The following GPC6 variants were observed in gnomAD, a reference collection of about 807,000 sequenced individuals.
GPC6 encodes the protein glypican-6.
GPC6 carries 14 observed loss-of-function variants against 55.2 expected under a neutral mutation model. The observed-to-expected ratio is 0.25, with a 90% confidence interval of 0.17 to 0.40. The LOEUF is 0.40. Among genes scored for constraint, GPC6 ranks in the 10% least tolerant of loss-of-function variants. The pLI is 1.00. For synonymous variants in GPC6, 278 were observed against 259.6 expected, an observed-to-expected ratio of 1.07 and a Z score of -0.68; for missense variants, 641 against 708.5, an observed-to-expected ratio of 0.90 and a Z score of 1.08.
At position 94,045,863 on chromosome 13, in the gene GPC6, ATTAG is replaced by A. The variant is rs370024873; in HGVS notation, c.877+17973_877+17976del. ...CGTTTCAGAAGAGAATGTCCATAAT[ATTAG>A]TTAATGATATTCTTAACAATAAATT... On this transcript the variant is annotated intron_variant, in intron 4 of 8. Transcript: ENST00000377047. 4.1e-3 allele frequency among the ~76,000 whole-genome samples: 625 copies of A among 152,132 alleles called. 2 individuals are homozygous for A. Among genetic ancestry groups the A allele is most frequent in the African/African-American group, 0.014 (588 of 41,538 alleles).
Position 93,297,610 on chromosome 13 carries a change from C to A in GPC6, c.160+69994C>A, listed in dbSNP as rs568020310. On this transcript the variant is annotated intron_variant, in intron 1 of 8. Coordinates refer to ENST00000377047, the MANE Select transcript of GPC6 (RefSeq NM_005708.5). ...TGCACCACTGGGCAACAGAGCAAGA[C>A]CCTGTCTTTAACAGAACAAAAAGTA... Among the ~76,000 whole-genome samples, 11 of 152,130 alleles carry A rather than the reference C, an allele frequency of 7.2e-5. No individual in the cohort carries two copies. The South Asian group carries it at 1.9e-3, about 26-fold the overall frequency.
intron 4 of GPC6, among the ~76,000 whole-genome samples, chr13:94,149,667 T>G (rs1377158943): frequency 1.2e-4 from 19 of 152,074 alleles, no homozygotes; most frequent in Admixed American, 1.2e-3. Flanking sequence ...GAGCCTCGAT[T>G]TTTACTCAGA....
intron 2 of GPC6, among the ~76,000 whole-genome samples, chr13:93,746,335 G>A (rs1884398885): frequency 6.6e-6 from 1 of 152,132 alleles, no homozygotes; most frequent in Non-Finnish European, 1.5e-5. Context: ...GATAAACTGA[G>A]CTTATTCTGG....
intron 3 of GPC6, among the ~76,000 whole-genome samples, chr13:93,880,884 C>A (rs1185829742): frequency 1.2e-5 from 1 of 86,932 alleles, no homozygotes; most frequent in East Asian, 3.5e-4. Flanking sequence ...GCCTTTGCAA[C>A]TAAAAAAAAA....
chr13:94,013,802 C>T (rs544283121), intron 3 of GPC6, among the ~76,000 whole-genome samples: 71 of 152,272 alleles, frequency 4.7e-4, no homozygotes, highest in Non-Finnish European at 7.9e-4. Flanking sequence ...GTTGTGTAAG[C>T]GTTCCACAGC....
chr13:94,197,693 T>A (rs746372425), intron 4 of GPC6, among the ~76,000 whole-genome samples: 1 of 152,180 alleles, frequency 6.6e-6, no homozygotes, highest in Non-Finnish European at 1.5e-5. Context: ...TGTGCCTCTT[T>A]AGGGGGATAC....
chr13:93,641,811 G>T (rs949385430), intron 2 of GPC6, among the ~76,000 whole-genome samples: 3 of 152,000 alleles, frequency 2.0e-5, no homozygotes, highest in Non-Finnish European at 4.4e-5. Flanking sequence ...AGCATATCAA[G>T]ATATTGTTTA....
At chr13:93,863,607 A>G (rs906545223) in intron 3 of GPC6, among the ~76,000 whole-genome samples, 2 of 151,670 alleles carry the variant, frequency 1.3e-5, no homozygotes, top group Admixed American at 1.3e-4. Context: ...CTTCCCTTAT[A>G]GCTAAATCGC....
chr13:93,681,289 T>G (rs1881836071), intron 2 of GPC6, among the ~76,000 whole-genome samples: 1 of 152,200 alleles, frequency 6.6e-6, no homozygotes, highest in Admixed American at 6.6e-5. Flanking sequence ...ATATTCTGAT[T>G]GATATTTGAC....
intron 1 of GPC6, among the ~76,000 whole-genome samples, chr13:93,253,553 A>G (rs1423330909): frequency 6.6e-6 from 1 of 152,186 alleles, no homozygotes; most frequent in African/African-American, 2.4e-5. Context: ...GGAGGGATAA[A>G]CCTGCTGGGA....
intron 1 of GPC6, among the ~76,000 whole-genome samples, chr13:93,363,289 C>G (rs1020487031): frequency 1.3e-5 from 2 of 151,252 alleles, no homozygotes; most frequent in African/African-American, 2.4e-5. Context: ...CCCTCCTCCC[C>G]CCACCCCACA....
intron 1 of GPC6, among the ~76,000 whole-genome samples, chr13:93,345,523 A>T (rs1566309691): frequency 6.6e-6 from 1 of 152,136 alleles, no homozygotes; most frequent in African/African-American, 2.4e-5. Context: ...AAAATTAAAA[A>T]ACTGCATGCA....
rs779932958 is a variant in GPC6 at position 93,227,380 on chromosome 13, C to A, written c.-77C>A. ...GCGAGGAGCGCGCCGCTGCCTCTGG[C>A]GGGCTTTCGGCTTGAGGGGCAAGGT... is the stretch of plus-strand genomic sequence containing the variant. On this transcript the variant is annotated 5_prime_UTR_variant, in exon 1 of 9. Transcript: ENST00000377047. This position sits in a 1 kb window ranked among gnomAD's most constrained non-coding sequence, Gnocchi z 4.3. 65 of 1,469,884 alleles carry A rather than the reference C, an allele frequency of 4.4e-5. No homozygotes were observed. The highest frequency in any genetic ancestry group is 6.0e-5 in the Non-Finnish European group (64 of 1,065,512). The allele number at this position is 1,469,884 out of a possible 1,614,324, so 91.1% of individuals were successfully genotyped here. A position where few individuals can be genotyped will look rare whatever the true frequency, so the allele number is the denominator to read the frequency against.
At chr13:93,503,331 T>A (rs1880590305) in intron 1 of GPC6, among the ~76,000 whole-genome samples, 1 of 152,220 alleles carries the variant, frequency 6.6e-6, no homozygotes. Context: ...TGGGTGAATC[T>A]TTAGGGCAGC....
intron 4 of GPC6, among the ~76,000 whole-genome samples, chr13:94,204,990 T>G (rs990168979): frequency 2.6e-5 from 4 of 152,208 alleles, no homozygotes; most frequent in Admixed American, 2.6e-4. Flanking sequence ...TTCAATATTC[T>G]TAACCCTGGA....
At chr13:93,421,406 T>C (rs573269960) in intron 1 of GPC6, among the ~76,000 whole-genome samples, 17 of 151,898 alleles carry the variant, frequency 1.1e-4, no homozygotes, top group Admixed American at 5.2e-4. Context: ...ATTATTGTTA[T>C]TTTGTTTTAA....
At chr13:93,239,347 G>T (rs1212057531) in intron 1 of GPC6, among the ~76,000 whole-genome samples, 1 of 151,734 alleles carries the variant, frequency 6.6e-6, no homozygotes, top group Non-Finnish European at 1.5e-5. Context: ...ATTTACTCTA[G>T]ATTTTCTAGT....
chr13:93,478,385 A>G (rs957574106), intron 1 of GPC6, among the ~76,000 whole-genome samples: 2 of 152,188 alleles, frequency 1.3e-5, no homozygotes, highest in African/African-American at 4.8e-5. Flanking sequence ...TACAGAGTAG[A>G]TTTCTCAGAA....
chr13:93,840,826 A>G (rs1047467528), intron 3 of GPC6, among the ~76,000 whole-genome samples: 3 of 152,212 alleles, frequency 2.0e-5, no homozygotes, highest in Non-Finnish European at 4.4e-5. Context: ...CAATTAAAGT[A>G]CAGCACAAAT....
Sources: allele counts gnomAD v4.1 joint callset (sites outside exome capture counted in the v4.1 genomes callset), GRCh38; gene constraint gnomAD v4.1.1; non-coding constraint Gnocchi (gnomAD v3.1); transcripts MANE v1.5; gene names NCBI Gene and HGNC (gene_info 2026-07-23, HGNC 2026-07-21).